Variants in ZNF333 observed in about 807,000 individuals in gnomAD.
ZNF333 encodes zinc finger protein 333.
ZNF333 carries 61 observed loss-of-function variants against 76.1 expected under a neutral mutation model. The ratio of observed to expected loss-of-function variants is 0.80; its 90% CI spans 0.65 to 0.99. The LOEUF is 0.99. Among genes scored for constraint, ZNF333 ranks in the 50% least tolerant of loss-of-function variants. The probability of loss-of-function intolerance (pLI) is 0.00; values close to 1 mark genes in which losing one functional copy is unlikely to be tolerated. For missense variants in ZNF333, 717 were observed against 822.4 expected (o/e 0.87, Z 1.57); for synonymous variants, 284 against 305.0 (o/e 0.93, Z 0.72).
intron 2 of ZNF333, among the ~76,000 whole-genome samples, chr19:14,694,425 A>G (rs1320580526): frequency 6.6e-6 from 1 of 152,050 alleles, no homozygotes; most frequent in African/African-American, 2.4e-5. Context: ...GTGAGCCGAG[A>G]TGGCGCCACT....
chr19:14,713,520 C>T (rs2042338204), intron 7 of ZNF333, among the ~76,000 whole-genome samples: 1 of 152,116 alleles, frequency 6.6e-6, no homozygotes, highest in Admixed American at 6.6e-5. Flanking sequence ...TGAGGTTGCA[C>T]ACCAAGGCAG....
chr19:14,732,128 C>T (rs1481001062), exon 12 of ZNF333: 3 of 152,152 alleles, frequency 2.0e-5, no homozygotes, highest in East Asian at 1.9e-4. Flanking sequence ...ATGCCTTGCA[C>T]GAGAGTATAG....
intron 11 of ZNF333, among the ~76,000 whole-genome samples, chr19:14,729,703 G>A (rs888948441): frequency 6.6e-6 from 1 of 152,122 alleles, no homozygotes; most frequent in African/African-American, 2.4e-5. Flanking sequence ...ATCAATTGTA[G>A]AGCATGGTGA....
In ZNF333 at chr19:14,706,785, C is replaced by T. The variant is rs2042123334; in HGVS notation, c.511+12C>T. 1 of 1,610,162 alleles carries T rather than the reference C, an allele frequency of 6.2e-7. No homozygotes were observed. The highest frequency in any genetic ancestry group is 8.5e-7 in the Non-Finnish European group (1 of 1,178,296). On this transcript the variant is annotated intron_variant, in intron 7 of 11. Coordinates refer to ENST00000292530, the MANE Select transcript of ZNF333 (RefSeq NM_032433.4). ...GGCCAGGGATTCTGGTGAGTGAGTG[C>T]TGCGTGGAACACGTGGCCAGAGGGC...
chr19:14,723,102 A>C (rs372052668), downstream of ZNF333, among the ~76,000 whole-genome samples: 6 of 152,284 alleles, frequency 3.9e-5, no homozygotes, highest in African/African-American at 1.4e-4. Flanking sequence ...ATTTTTATAT[A>C]TGGAGTAAGA....
intron 11 of ZNF333, among the ~76,000 whole-genome samples, chr19:14,730,779 T>TTG (rs2042664240): frequency 6.6e-6 from 1 of 151,916 alleles, no homozygotes; most frequent in Non-Finnish European, 1.5e-5. Context: ...TAGTACCTGA[T>TTG]AGGTAGTTTT....
chr19:14,695,714 C>T, intron 4 of ZNF333, 53 bp downstream of exon 4: 1 of 1,531,432 alleles, frequency 6.5e-7, no homozygotes, highest in Non-Finnish European at 9.0e-7. Flanking sequence ...GGGTGGTGTG[C>T]CTTGGGAAGT....
At chr19:14,699,731 G>A (rs1475730799) in intron 5 of ZNF333, among the ~76,000 whole-genome samples, 1 of 151,910 alleles carries the variant, frequency 6.6e-6, no homozygotes, top group Non-Finnish European at 1.5e-5. Flanking sequence ...TTTTTTTCTA[G>A]AAGGTTTCCT....
At chr19:14,698,014 A>G (rs908964110) in intron 4 of ZNF333, among the ~76,000 whole-genome samples, 22 of 152,088 alleles carry the variant, frequency 1.4e-4, no homozygotes, top group Admixed American at 3.9e-4. Flanking sequence ...CCTCATTCCT[A>G]TGACTGCCAG....
chr19:14,695,907 G>A lies in ZNF333; in HGVS notation c.223+246G>A, dbSNP rs142035754. 1.5e-4 allele frequency among the ~76,000 whole-genome samples: 23 copies of A among 152,272 alleles called. No individual in the cohort carries two copies. The East Asian group carries it at 3.9e-3, about 26-fold the overall frequency. ...CTTAAAAAATTAGAGGGCCAGGTGT[G>A]GTGGCTCTTGCATGTAATCCCAGCA... is the stretch of plus-strand genomic sequence containing the variant. On this transcript the variant is annotated intron_variant, in intron 4 of 11. Coordinates refer to ENST00000292530, the MANE Select transcript of ZNF333 (RefSeq NM_032433.4).
At chr19:14,698,919 T>TAGATAG (rs1175707029) in intron 4 of ZNF333, among the ~76,000 whole-genome samples, 1 of 123,612 alleles carries the variant, frequency 8.1e-6, no homozygotes, top group African/African-American at 2.9e-5. Context: ...TATATATATA[T>TAGATAG]ATATATATAT....
chr19:14,727,534 C>A (rs531688699), intron 11 of ZNF333, among the ~76,000 whole-genome samples: 31 of 152,194 alleles, frequency 2.0e-4, no homozygotes, highest in Non-Finnish European at 4.1e-4. Context: ...CTGGTGTGAA[C>A]TACCAGAGCA....
At chr19:14,695,945 G>A (rs576837318) in intron 4 of ZNF333, among the ~76,000 whole-genome samples, 4 of 152,258 alleles carry the variant, frequency 2.6e-5, no homozygotes, top group East Asian at 1.9e-4. Context: ...TTGGGAGGCC[G>A]AGGCTGGTGG....
intron 11 of ZNF333, among the ~76,000 whole-genome samples, chr19:14,729,918 G>A (rs2042656988): frequency 6.6e-6 from 1 of 152,138 alleles, no homozygotes; most frequent in Admixed American, 6.5e-5. Context: ...ATGCCAGTGG[G>A]ATCCCTGCTA....
rs1484609648 is a variant in ZNF333 at position 14,721,273 on chromosome 19, A to G, written c.*1948A>G. 1.8e-5 allele frequency: 1 copy of G among 55,574 alleles called. No individual in the cohort carries two copies. Among genetic ancestry groups the G allele is most frequent in the Non-Finnish European group, 3.9e-5 (1 of 25,690 alleles). 3.4% of individuals were successfully genotyped at this position (55,574 alleles called of 1,614,324 possible). ...ACCCAGGGGACTAGTCTCCATTTTT[A>G]CTTGTTCTTTTTTTTTTTTTTTTTT... On this transcript the variant is annotated 3_prime_UTR_variant, in exon 12 of 12. Coordinates refer to ENST00000292530, the MANE Select transcript of ZNF333 (RefSeq NM_032433.4).
At chr19:14,699,321 G>T in intron 5 of ZNF333, 40 bp downstream of exon 5, 1 of 1,554,880 alleles carries the variant, frequency 6.4e-7, no homozygotes, top group South Asian at 1.1e-5. Flanking sequence ...CAGCATGGGA[G>T]AAGTTGAGGA....
chr19:14,701,966 A>C (rs2041970144), intron 5 of ZNF333: 4 of 934,746 alleles, frequency 4.3e-6, no homozygotes, highest in Non-Finnish European at 5.1e-6. Flanking sequence ...GTCAGGTTCT[A>C]CTGCCTGACG....
At chr19:14,711,846 C>T (rs1228475937) in intron 7 of ZNF333, among the ~76,000 whole-genome samples, 1 of 152,014 alleles carries the variant, frequency 6.6e-6, no homozygotes, top group Non-Finnish European at 1.5e-5. Flanking sequence ...AAAAGAAACA[C>T]TCATGGCAGC....
Position 14,698,925 on chromosome 19 carries a change from T to TAGATAGATAGATAG in ZNF333, c.224-273_224-272insGATAGATAGATAGA, listed in dbSNP as rs1227508860. ...ATATATATATATATATATATATATA[T>TAGATAGATAGATAG]ATATATATATACACACATATATATT... On this transcript the variant is annotated intron_variant, in intron 4 of 11. Transcript: ENST00000292530. 1.6e-4 allele frequency among the ~76,000 whole-genome samples: 14 copies of TAGATAGATAGATAG among 85,164 alleles called. 1 individual carries two copies. The highest frequency in any genetic ancestry group is 5.7e-4 in the African/African-American group (13 of 22,802). The allele number at this position is 85,164 out of a possible 152,430, so 55.9% of individuals were successfully genotyped here. A position where few individuals can be genotyped will look rare whatever the true frequency, so the allele number is the denominator to read the frequency against.
Sources: gnomAD v4.1 joint callset for allele counts (sites outside exome capture counted in the v4.1 genomes callset) on GRCh38, gnomAD v4.1.1 for gene constraint, MANE v1.5 for transcripts, NCBI Gene and HGNC (gene_info 2026-07-23, HGNC 2026-07-21) for gene names.